Variants in CD6 observed in about 807,000 individuals in gnomAD.
CD6 encodes the protein T-cell differentiation antigen CD6.
Under a neutral mutation model 75.3 loss-of-function variants are expected in CD6, and 53 were observed. The ratio of observed to expected loss-of-function variants is 0.70; its 90% CI spans 0.56 to 0.88. The LOEUF (loss-of-function observed/expected upper bound fraction) is 0.88, where lower values mean the gene tolerates loss of function less well. Ranked by LOEUF, CD6 falls within the 40% of genes least tolerant of loss-of-function variation. CD6 has a pLI of 0.00. For missense variants in CD6, 770 were observed against 897.1 expected (o/e 0.86, Z 1.81); for synonymous variants, 359 against 381.5 (o/e 0.94, Z 0.69).
At position 61,019,520 on chromosome 11, in the gene CD6, G is replaced by C. The variant is rs558806319; in HGVS notation, c.*202G>C. On this transcript the variant is annotated 3_prime_UTR_variant, in exon 13 of 13. Transcript: ENST00000313421. ...AAACCTGCTGCCACAGCCCTCCCCC[G>C]GCCCCAGATAGCAGCCCCAGGGAGG... The C allele has an allele frequency of 2.2e-6, 1 of 445,668 alleles. No homozygotes were observed. The highest frequency in any genetic ancestry group is 4.0e-6 in the Non-Finnish European group (1 of 251,588). The allele number at this position is 445,668 out of a possible 1,614,324, so 27.6% of individuals were successfully genotyped here. A position where few individuals can be genotyped will look rare whatever the true frequency, so the allele number is the denominator to read the frequency against.
intron 8 of CD6, among the ~76,000 whole-genome samples, chr11:61,014,366 A>C (rs1859302557): frequency 6.6e-6 from 1 of 152,212 alleles, no homozygotes; most frequent in Non-Finnish European, 1.5e-5. Context: ...TGTCCTGCCC[A>C]ATTGGCCTTG....
rs1590727484 is a variant in CD6 at position 61,015,631 on chromosome 11, T to G, written c.1388-82T>G. 2.6e-6 allele frequency: 4 copies of G among 1,535,920 alleles called. No homozygotes were observed. In the African/African-American group the frequency reaches 4.1e-5, roughly 16 times the overall value. On this transcript the variant is annotated intron_variant, in intron 8 of 12. Coordinates refer to ENST00000313421, the MANE Select transcript of CD6 (RefSeq NM_006725.5). ...CTCCCCTGCTACTCTGCCTCTCACC[T>G]CTGCCGTTCATACTCTACCATCCCT...
chr11:61,012,622 A>G (rs1477305851), intron 6 of CD6, among the ~76,000 whole-genome samples: 1 of 152,146 alleles, frequency 6.6e-6, no homozygotes, highest in Non-Finnish European at 1.5e-5. Flanking sequence ...ACTACTAGTC[A>G]TCTAGCCCTG....
At position 61,015,581 on chromosome 11, in the gene CD6, GA is replaced by G. The variant is rs1052564212; in HGVS notation, c.1388-123del. ...GTGAGACCCTGTCCCAGAAAAGAAA[GA>G]AAAAAAAAGGGGGCTACTTGGTGCT... On this transcript the variant is annotated intron_variant, in intron 8 of 12. Coordinates refer to ENST00000313421, the MANE Select transcript of CD6 (RefSeq NM_006725.5). The G allele has an allele frequency of 1.2e-4, 131 of 1,051,666 alleles. 2 individuals carry two copies. The highest frequency in any genetic ancestry group is 3.5e-4 in the South Asian group (23 of 65,834). 65.1% of individuals were successfully genotyped at this position (1,051,666 alleles called of 1,614,324 possible).
chr11:60,991,433 G>A (rs1023244770), intron 1 of CD6, among the ~76,000 whole-genome samples: 8 of 152,016 alleles, frequency 5.3e-5, no homozygotes, highest in Non-Finnish European at 8.8e-5. Context: ...GATTACAGGC[G>A]TGAGCCCCGC....
rs1858501822 is a variant in CD6, at chr11:60,999,932, AACCCCAG to A, written c.50-6641_50-6635del. ...GCCAGGCATGGTGGCAGGCGCCTGT[AACCCCAG>A]CTACTCAGTAGCTGCGGCAGGAGAA... On this transcript the variant is annotated intron_variant, in intron 1 of 12. Transcript: ENST00000313421. Among the ~76,000 whole-genome samples, 2 of 152,058 alleles carry A rather than the reference AACCCCAG, an allele frequency of 1.3e-5. 1 individual carries two copies. The highest frequency in any genetic ancestry group is 4.2e-4 in the South Asian group (2 of 4,816).
At chr11:60,985,394 A>T (rs916539213) in intron 1 of CD6, among the ~76,000 whole-genome samples, 12 of 151,958 alleles carry the variant, frequency 7.9e-5, no homozygotes, top group African/African-American at 2.9e-4. Context: ...CATGTTAGCC[A>T]GGCTGGTCTC....
intron 1 of CD6, among the ~76,000 whole-genome samples, chr11:60,977,876 G>A (rs1190939256): frequency 6.6e-6 from 1 of 152,176 alleles, no homozygotes; most frequent in Non-Finnish European, 1.5e-5. Context: ...TAAATGGAAA[G>A]CCATTCATTA....
intron 9 of CD6, among the ~76,000 whole-genome samples, chr11:61,016,052 C>T (rs562179846): frequency 1.6e-4 from 24 of 152,390 alleles, no homozygotes; most frequent in African/African-American, 5.8e-4. Flanking sequence ...GACATCTCCA[C>T]TCTGACCTCT....
chr11:60,997,639 C>G (rs1858368054), intron 1 of CD6, among the ~76,000 whole-genome samples: 1 of 152,110 alleles, frequency 6.6e-6, no homozygotes, highest in African/African-American at 2.4e-5. Context: ...TTTGGACACT[C>G]AAGTTTCACC....
chr11:60,994,873 G>C (rs949339543), intron 1 of CD6, among the ~76,000 whole-genome samples: 10 of 152,226 alleles, frequency 6.6e-5, no homozygotes, highest in African/African-American at 2.4e-4. Context: ...CGCCAGGGGA[G>C]AGAAGTCACT....
At chr11:61,018,501 A>AGGGGAAAAGGAGAAAGGAT in intron 12 of CD6, 108 bp downstream of exon 12, 1 of 872,162 alleles carries the variant, frequency 1.1e-6, no homozygotes, top group Non-Finnish European at 1.8e-6. Flanking sequence ...GGAGAAAGGA[A>AGGGGAAAAGGAGAAAGGAT]GGGTAAAAGA....
intron 6 of CD6, among the ~76,000 whole-genome samples, chr11:61,012,921 C>A (rs1156293289): frequency 1.3e-5 from 2 of 152,230 alleles, no homozygotes. Flanking sequence ...TCTTCCCTCA[C>A]AGAGAATGAA....
intron 1 of CD6, among the ~76,000 whole-genome samples, chr11:61,001,373 T>G (rs141099168): frequency 6.6e-6 from 1 of 151,914 alleles, no homozygotes; most frequent in East Asian, 1.9e-4. Flanking sequence ...TGGCTAACTT[T>G]TGTATTTTTA....
Position 61,017,849 on chromosome 11 carries a change from C to A in CD6, c.1673C>A (p.Pro558Gln), listed in dbSNP as rs781334224. 4 of 1,613,992 alleles carry A rather than the reference C, an allele frequency of 2.5e-6. No individual in the cohort carries two copies. The highest frequency in any genetic ancestry group is 3.4e-6 in the Non-Finnish European group (4 of 1,180,018). Reference protein sequence around the residue: ...DPPSLGPQYHPRSNSESSTSS... With the variant: ...DPPSLGPQYHQRSNSESSTSS... ...CCATCCCTGGGCCCTCAGTATCACC[C>A]GAGGAGCAACAGTGAGTCGAGCACC... The change falls in exon 11 of 13, where the codon CCG (proline) becomes CAG (glutamine). Residue 558 changes from proline to glutamine, a missense_variant. Transcript: ENST00000313421.
At chr11:61,008,406 C>T in intron 3 of CD6, 128 bp from the exon 4 acceptor site, 2 of 888,472 alleles carry the variant, frequency 2.3e-6, no homozygotes, top group South Asian at 1.8e-5. Context: ...CCCAGTCTTG[C>T]CTACCGGGCT....
chr11:61,013,826 G>A, intron 7 of CD6, 93 bp from the exon 8 acceptor site: 1 of 868,522 alleles, frequency 1.2e-6, no homozygotes, highest in Middle Eastern at 2.3e-4. Flanking sequence ...GGGGAATGAG[G>A]AGGGTGGTGT....
At chr11:60,980,747 A>G (rs1045651129) in intron 1 of CD6, among the ~76,000 whole-genome samples, 1 of 152,174 alleles carries the variant, frequency 6.6e-6, no homozygotes, top group African/African-American at 2.4e-5. Flanking sequence ...GGCTGAGGGA[A>G]GAGAATCGCT....
intron 12 of CD6, 54 bp from the exon 13 acceptor site, chr11:61,019,200 G>T: frequency 7.2e-7 from 1 of 1,397,282 alleles, no homozygotes. Context: ...CCGTCCTGTG[G>T]GGCAGCAGGG....
Sources: gnomAD v4.1 joint callset for allele counts (sites outside exome capture counted in the v4.1 genomes callset) on GRCh38, gnomAD v4.1.1 for gene constraint, MANE v1.5 for transcripts, NCBI Gene and HGNC (gene_info 2026-07-23, HGNC 2026-07-21) for gene names.